Variants in LTBP1 observed in about 807,000 individuals in gnomAD.
LTBP1 encodes latent transforming growth factor beta binding protein 1, also known as latent-transforming growth factor beta-binding protein 1.
In LTBP1, 129 loss-of-function variants were observed where a neutral mutation model predicts 207.6. That is an observed-to-expected ratio of 0.62 (90% confidence interval 0.54 to 0.72). The LOEUF is 0.72. Among genes scored for constraint, LTBP1 ranks in the 30% least tolerant of loss-of-function variants. The pLI is 0.00. For missense variants in LTBP1, 2,281 were observed against 2,217.2 expected, an observed-to-expected ratio of 1.03 and a Z score of -0.58; for synonymous variants, 963 against 833.7, an observed-to-expected ratio of 1.16 and a Z score of -2.67.
rs532611601 is a variant in LTBP1, at chr2:33,320,848, G to A, written c.3730+5579G>A. On this transcript the variant is annotated intron_variant, in intron 24 of 33. Coordinates refer to ENST00000404816, the MANE Select transcript of LTBP1 (RefSeq NM_206943.4). ...GAGACTGGCAGTGGTAGATGCTGGG[G>A]GCTGGTGTGAGGAAGACAGGATATA... Among the ~76,000 whole-genome samples the A allele has an allele frequency of 3.3e-5, 5 of 152,290 alleles. No homozygotes were observed. In the South Asian group the frequency reaches 1.0e-3, roughly 32 times the overall value.
At chr2:33,008,477 A>G (rs1320592019) in intron 2 of LTBP1, among the ~76,000 whole-genome samples, 2 of 152,238 alleles carry the variant, frequency 1.3e-5, no homozygotes, top group Non-Finnish European at 2.9e-5. Flanking sequence ...GAAAATCTGG[A>G]AAGTATAATA....
At chr2:33,003,888 CAT>C (rs1267974937) in intron 2 of LTBP1, among the ~76,000 whole-genome samples, 1 of 152,170 alleles carries the variant, frequency 6.6e-6, no homozygotes, top group Non-Finnish European at 1.5e-5. Context: ...CACACAAAAA[CAT>C]ATTTCTGCAA....
intron 20 of LTBP1, among the ~76,000 whole-genome samples, chr2:33,299,024 C>T (rs1573699438): frequency 6.6e-6 from 1 of 152,048 alleles, no homozygotes; most frequent in East Asian, 1.9e-4. Context: ...GCCTGTAATC[C>T]TAGCACTTTG....
intron 24 of LTBP1, among the ~76,000 whole-genome samples, chr2:33,330,738 A>G (rs921910018): frequency 2.7e-5 from 4 of 150,624 alleles, no homozygotes; most frequent in Non-Finnish European, 5.9e-5. Flanking sequence ...ATACAGGTCT[A>G]TAATACAGGG....
intron 2 of LTBP1, among the ~76,000 whole-genome samples, chr2:32,975,583 G>GTTGTTTTTTTTTTTTTTTT (rs1681597505): frequency 3.2e-5 from 1 of 31,360 alleles, no homozygotes; most frequent in African/African-American, 1.4e-4. Context: ...TTCATTCTTT[G>GTTGTTTTTTTTTTTTTTTT]TTTTTTTTTT....
chr2:33,009,996 G>A lies in LTBP1; in HGVS notation c.566-10913G>A, dbSNP rs75027728. On this transcript the variant is annotated intron_variant, in intron 2 of 33. Coordinates refer to ENST00000404816, the MANE Select transcript of LTBP1 (RefSeq NM_206943.4). ...GGGTCCAAGGATCAAGGAGGCCCTG[G>A]GAAATTTTGACATTTGGAGGGTGGG... 3.7e-4 allele frequency among the ~76,000 whole-genome samples: 57 copies of A among 152,284 alleles called. No homozygotes were observed. In the East Asian group the frequency reaches 9.5e-3, roughly 25 times the overall value.
intron 2 of LTBP1, among the ~76,000 whole-genome samples, chr2:32,959,270 TGAGATCAGTTATTTAGAGGTGAAAACC>T (rs948032206): frequency 6.6e-6 from 1 of 152,062 alleles, no homozygotes; most frequent in East Asian, 1.9e-4. Context: ...ACTGAACTGA[TGAGATCAGTTATTTAGAGGTGAAAACC>T]GAGTGGCTGG....
intron 10 of LTBP1, among the ~76,000 whole-genome samples, chr2:33,247,031 A>G (rs1220939895): frequency 6.6e-6 from 1 of 152,230 alleles, no homozygotes; most frequent in Non-Finnish European, 1.5e-5. Flanking sequence ...GAACTCCTGC[A>G]GGAACTTCAG....
In LTBP1 at chr2:33,347,410, C is replaced by G. The variant is rs1432322540; in HGVS notation, c.3900C>G (p.Ala1300=). 3.1e-6 allele frequency: 5 copies of G among 1,614,192 alleles called. No homozygotes were observed. In the South Asian group the frequency reaches 4.4e-5, roughly 14 times the overall value. The change falls in exon 26 of 34, where the codon GCC becomes GCG. Residue 1300 remains alanine, a synonymous_variant. Coordinates refer to ENST00000404816, the MANE Select transcript of LTBP1 (RefSeq NM_206943.4). The part of the protein sequence containing the change: ...CELLSGVCGE[A]FCENVEGSFL... ...TGCTCAGTGGGGTGTGTGGTGAAGC[C>G]TTCTGTGAAAACGTGGAAGGGTCCT...
intron 20 of LTBP1, among the ~76,000 whole-genome samples, chr2:33,299,781 G>A (rs1267674272): frequency 2.0e-5 from 3 of 152,146 alleles, no homozygotes; most frequent in South Asian, 2.1e-4. Flanking sequence ...GTATAACTTC[G>A]TATACATGAC....
At chr2:33,233,791 A>G (rs757252014) in intron 9 of LTBP1, among the ~76,000 whole-genome samples, 2 of 152,000 alleles carry the variant, frequency 1.3e-5, no homozygotes, top group Non-Finnish European at 2.9e-5. Context: ...CTTTTTGTTC[A>G]TGATTGCCTT....
chr2:33,179,994 T>A (rs576750225), intron 5 of LTBP1, among the ~76,000 whole-genome samples: 1 of 152,188 alleles, frequency 6.6e-6, no homozygotes, highest in African/African-American at 2.4e-5. Flanking sequence ...CAGCTCCCTC[T>A]CAGTTTTGGA....
At chr2:33,304,554 T>A (rs1367383803) in intron 22 of LTBP1, among the ~76,000 whole-genome samples, 2 of 152,240 alleles carry the variant, frequency 1.3e-5, no homozygotes, top group African/African-American at 4.8e-5. Context: ...GACTCCAGCA[T>A]GCTTGGTAGC....
chr2:33,010,384 G>A (rs772328401), intron 2 of LTBP1, among the ~76,000 whole-genome samples: 7 of 152,136 alleles, frequency 4.6e-5, no homozygotes, highest in Non-Finnish European at 8.8e-5. Flanking sequence ...GTGTGTGGGG[G>A]GGATGAAGAG....
intron 3 of LTBP1, among the ~76,000 whole-genome samples, chr2:33,087,084 C>CTTTTTTTTTTTTTTTTTTTTTTTTTT (rs35334788): frequency 2.2e-5 from 2 of 89,026 alleles, no homozygotes; most frequent in Non-Finnish European, 2.1e-5. Context: ...CTCCTTTATG[C>CTTTTTTTTTTTTTTTTTTTTTTTTTT]TTTTTTTTTT....
chr2:33,273,153 T>TG (rs1272013493), intron 15 of LTBP1, among the ~76,000 whole-genome samples: 1 of 152,094 alleles, frequency 6.6e-6, no homozygotes, highest in East Asian at 1.9e-4. Flanking sequence ...GGGAGGTCTT[T>TG]GGGGGGATTA....
At chr2:33,070,082 A>G (rs576354222) in intron 3 of LTBP1, among the ~76,000 whole-genome samples, 2 of 152,314 alleles carry the variant, frequency 1.3e-5, no homozygotes, top group Admixed American at 1.3e-4. Flanking sequence ...GATGTGTCAC[A>G]TTCTCTCTGC....
rs566001005 is a variant in LTBP1, at chr2:33,231,725, G to T, written c.1876+9574G>T. ...AGAATGTGTCTTGTAGCATAGTGCT[G>T]GATTAAAACAGACATGTAGAATGAG... On this transcript the variant is annotated intron_variant, in intron 9 of 33. Transcript: ENST00000404816. Among the ~76,000 whole-genome samples, 21 of 152,144 alleles carry T rather than the reference G, an allele frequency of 1.4e-4. No homozygotes were observed. The South Asian group carries it at 4.2e-3, about 30-fold the overall frequency.
chr2:33,233,118 A>G (rs1226191237), intron 9 of LTBP1, among the ~76,000 whole-genome samples: 1 of 152,126 alleles, frequency 6.6e-6, no homozygotes, highest in East Asian at 1.9e-4. Flanking sequence ...TTCACCTATT[A>G]TGTCTTCAAA....
Sources: gnomAD v4.1 joint callset for allele counts (sites outside exome capture counted in the v4.1 genomes callset) on GRCh38, gnomAD v4.1.1 for gene constraint, MANE v1.5 for transcripts, NCBI Gene and HGNC (gene_info 2026-07-23, HGNC 2026-07-21) for gene names.